Variants in LAMC3 observed in about 807,000 individuals in gnomAD.
The protein encoded by LAMC3 is laminin subunit gamma-3.
LAMC3 carries 128 observed loss-of-function variants against 173.8 expected under a neutral mutation model. That is an observed-to-expected ratio of 0.74 (90% confidence interval 0.64 to 0.85). The LOEUF (loss-of-function observed/expected upper bound fraction) is 0.85. LAMC3 is among the 40% of genes least tolerant of loss of function. The pLI is 0.00. For synonymous variants in LAMC3, 897 were observed against 909.1 expected (o/e 0.99, Z 0.24); for missense variants, 2,022 against 2,156.0 (o/e 0.94, Z 1.23).
intron 13 of LAMC3, among the ~76,000 whole-genome samples, chr9:131,064,635 G>C: frequency 6.7e-6 from 1 of 149,300 alleles, no homozygotes; most frequent in Non-Finnish European, 1.5e-5. Flanking sequence ...CTGCACTCCA[G>C]CCTGGGTGAA....
intron 9 of LAMC3, among the ~76,000 whole-genome samples, chr9:131,052,128 G>T (rs1834299164): frequency 6.6e-6 from 1 of 152,158 alleles, no homozygotes; most frequent in African/African-American, 2.4e-5. Context: ...GTGCTCATGG[G>T]CATCGTGAAT....
intron 17 of LAMC3, 119 bp downstream of exon 17, chr9:131,069,969 A>G: frequency 2.9e-6 from 3 of 1,045,652 alleles, no homozygotes; most frequent in Non-Finnish European, 4.3e-6. Flanking sequence ...TTGCAAGCCC[A>G]CCACCTACCT....
At chr9:131,050,317 C>G (rs536660793) in intron 9 of LAMC3, among the ~76,000 whole-genome samples, 2 of 152,290 alleles carry the variant, frequency 1.3e-5, no homozygotes, top group African/African-American at 4.8e-5. Flanking sequence ...AGGCTTCTGC[C>G]TGTTGCTTAC....
intron 11 of LAMC3, among the ~76,000 whole-genome samples, chr9:131,055,736 C>T (rs11244263): frequency 0.73 from 110,374 of 150,176 alleles, 41,035 homozygotes; most frequent in African/African-American, 0.85. Context: ...ATTTTTTTTT[C>T]CAAATATCAG....
chr9:131,019,011 C>T (rs1833580864), intron 1 of LAMC3, among the ~76,000 whole-genome samples: 2 of 152,182 alleles, frequency 1.3e-5, no homozygotes, highest in African/African-American at 2.4e-5. Flanking sequence ...GCCTCTAATC[C>T]CAGCACTTTG....
chr9:131,024,164 T>TC (rs386416358), intron 1 of LAMC3, among the ~76,000 whole-genome samples: 1 of 151,612 alleles, frequency 6.6e-6, no homozygotes, highest in Non-Finnish European at 1.5e-5. Flanking sequence ...TTTTTTTTTT[T>TC]TTAGACAGTC....
At chr9:131,049,189 C>T (rs1834236426) in intron 9 of LAMC3, 59 bp downstream of exon 9, 8 of 958,196 alleles carry the variant, frequency 8.3e-6, no homozygotes, top group Non-Finnish European at 1.3e-5. Context: ...TGCTGCTAAA[C>T]AACTTGCCGC....
At chr9:131,072,933 C>G in intron 19 of LAMC3, 98 bp downstream of exon 19, 4 of 1,123,130 alleles carry the variant, frequency 3.6e-6, no homozygotes, top group Non-Finnish European at 1.3e-6. Context: ...TATGACTCCC[C>G]ACTTTGGGAG....
chr9:131,059,245 C>T (rs1235020903), intron 12 of LAMC3, among the ~76,000 whole-genome samples: 1 of 151,434 alleles, frequency 6.6e-6, no homozygotes, highest in East Asian at 1.9e-4. Flanking sequence ...GTAATCCCAG[C>T]ACTTTGGGAG....
rs549714825 is a variant in LAMC3, at chr9:131,037,084, C to T, written c.976+752C>T. 8.5e-5 allele frequency among the ~76,000 whole-genome samples: 13 copies of T among 152,306 alleles called. No individual in the cohort carries two copies. The South Asian group carries it at 1.9e-3, about 22-fold the overall frequency. On this transcript the variant is annotated intron_variant, in intron 4 of 27. Transcript: ENST00000361069. ...ACCAGAACTGGGGCTGGGCCGGGGG[C>T]GGCTTGTTCTGAGGGTGGGGCACTG...
At position 131,012,371 on chromosome 9, in the gene LAMC3, G is replaced by A. The variant is rs534190022; in HGVS notation, c.373+2784G>A. Among the ~76,000 whole-genome samples the A allele has an allele frequency of 4.5e-4, 68 of 152,276 alleles. 1 individual carries two copies. In the South Asian group the frequency reaches 0.01, roughly 23 times the overall value. On this transcript the variant is annotated intron_variant, in intron 1 of 27. Transcript: ENST00000361069. ...TACCTGTACCGTACGGATAAGAGTC[G>A]CCACTTCCTGAGCAGCTGTTCGGGT... is the stretch of plus-strand genomic sequence containing the variant.
In LAMC3 at chr9:131,067,237, A is replaced by T. The variant is rs3765569; in HGVS notation, c.2593+32A>T. On this transcript the variant is annotated intron_variant, in intron 14 of 27. Coordinates refer to ENST00000361069, the MANE Select transcript of LAMC3 (RefSeq NM_006059.4). ...ACCTACCTCCAGACCCCAGGGTGGC[A>T]CATGGTGGGCCCCTTCTCTTCTGCC... 308 of 1,611,574 alleles carry T rather than the reference A, an allele frequency of 1.9e-4. 4 individuals carry two copies. The South Asian group carries it at 3.2e-3, about 17-fold the overall frequency.
rs1830436808 is a variant in LAMC3, at chr9:131,091,995, G to A, written c.*208G>A. On this transcript the variant is annotated 3_prime_UTR_variant, in exon 28 of 28. Transcript: ENST00000361069. The stretch of plus-strand genomic sequence containing the variant: ...TGAGTGTGCGTACCCAGTTCACCTG[G>A]ACATGAGTGCACACTCTCACCCCTG... 3.2e-6 allele frequency: 2 copies of A among 626,690 alleles called. No individual in the cohort carries two copies. Among genetic ancestry groups the A allele is most frequent in the South Asian group, 3.8e-5 (2 of 52,054 alleles). The allele number at this position is 626,690 out of a possible 1,614,324, so 38.8% of individuals were successfully genotyped here.
At chr9:131,073,944 C>CTTT (rs57877574) in intron 20 of LAMC3, among the ~76,000 whole-genome samples, 19 of 90,770 alleles carry the variant, frequency 2.1e-4, no homozygotes, top group South Asian at 3.9e-4. Context: ...CTTTTCTTTT[C>CTTT]TTTTTTTTTT....
chr9:131,012,275 G>A (rs550335562), intron 1 of LAMC3, among the ~76,000 whole-genome samples: 3 of 152,312 alleles, frequency 2.0e-5, no homozygotes, highest in Admixed American at 2.0e-4. Context: ...CACGAAAGGA[G>A]GCTTTGGACT....
At chr9:131,048,190 C>T (rs2133273016) in intron 8 of LAMC3, among the ~76,000 whole-genome samples, 1 of 151,512 alleles carries the variant, frequency 6.6e-6, no homozygotes, top group Non-Finnish European at 1.5e-5. Context: ...CTGAGTAGCT[C>T]AGATTATAGG....
intron 6 of LAMC3, among the ~76,000 whole-genome samples, chr9:131,039,567 T>C (rs1028598560): frequency 6.6e-6 from 1 of 151,542 alleles, no homozygotes; most frequent in Non-Finnish European, 1.5e-5. Flanking sequence ...ACGGGAGGCC[T>C]CTGGAGGAGC....
intron 11 of LAMC3, among the ~76,000 whole-genome samples, chr9:131,053,460 C>T (rs1834338872): frequency 6.6e-6 from 1 of 152,334 alleles, no homozygotes; most frequent in African/African-American, 2.4e-5. Context: ...TCTGTCACCA[C>T]CTCCCACCCT....
In LAMC3 at chr9:131,045,555, C is replaced by A. The variant is rs145387373; in HGVS notation, c.1414C>A (p.His472Asn). 102 of 1,614,058 alleles carry A rather than the reference C, an allele frequency of 6.3e-5. 1 individual carries two copies. In the Middle Eastern group the frequency reaches 3.6e-3, roughly 57 times the overall value. ...CRPGTFNLQP[H>N]NPAGCSSCFC... ...CCCGGGGACCTTTAACCTGCAGCCC[C>A]ACAATCCAGCTGGCTGCAGCAGCTG... Residue 472 changes from histidine to asparagine, a missense_variant, in exon 8 of 28, where the codon CAC becomes AAC. Coordinates refer to ENST00000361069, the MANE Select transcript of LAMC3 (RefSeq NM_006059.4).
Sources: allele counts gnomAD v4.1 joint callset (sites outside exome capture counted in the v4.1 genomes callset), GRCh38; gene constraint gnomAD v4.1.1; transcripts MANE v1.5; gene names NCBI Gene and HGNC (gene_info 2026-07-23, HGNC 2026-07-21).